The following GRIK4 variants were observed in gnomAD, a reference collection of about 807,000 sequenced individuals.
GRIK4 encodes the protein glutamate receptor ionotropic, kainate 4.
Under a neutral mutation model 104.9 loss-of-function variants are expected in GRIK4, and 40 were observed. The observed-to-expected ratio is 0.38, with a 90% CI of 0.30 to 0.50. The LOEUF (loss-of-function observed/expected upper bound fraction) is 0.50. Ranked by LOEUF, GRIK4 falls within the 20% of genes least tolerant of loss-of-function variation. GRIK4 has a pLI of 0.93. For missense variants in GRIK4, 1,047 were observed against 1,308.1 expected (o/e 0.80, Z 3.08); for synonymous variants, 485 against 524.9 (o/e 0.92, Z 1.04).
chr11:120,578,193 G>A (rs2135087638), intron 1 of GRIK4, among the ~76,000 whole-genome samples: 1 of 152,326 alleles, frequency 6.6e-6, no homozygotes, highest in Admixed American at 6.5e-5. Context: ...CCTGGGGCTG[G>A]GCTGTTTGGT....
intron 3 of GRIK4, among the ~76,000 whole-genome samples, chr11:120,663,965 C>T (rs927631599): frequency 2.6e-5 from 4 of 152,128 alleles, no homozygotes; most frequent in Admixed American, 6.5e-5. Flanking sequence ...CAGCACTTGC[C>T]GTGTTATATT....
rs939644298 is a variant in GRIK4 at position 120,708,960 on chromosome 11, T to C, written c.82+48560T>C. Among the ~76,000 whole-genome samples the C allele has an allele frequency of 3.3e-5, 5 of 152,266 alleles. No homozygotes were observed. The East Asian group carries it at 5.8e-4, about 18-fold the overall frequency. The stretch of plus-strand genomic sequence containing the variant: ...TAAGCAAAGGCAGGGCAGTAACCTT[T>C]ACCTGGTCTGGCCTGGAGACATTTA... On this transcript the variant is annotated intron_variant, in intron 3 of 20. Transcript: ENST00000527524.
intron 3 of GRIK4, among the ~76,000 whole-genome samples, chr11:120,777,564 C>T (rs993078092): frequency 5.9e-5 from 9 of 152,244 alleles, no homozygotes; most frequent in African/African-American, 1.9e-4. Flanking sequence ...CCTGCCCCGG[C>T]TGTAGTGGGG....
intron 8 of GRIK4, among the ~76,000 whole-genome samples, chr11:120,856,053 C>T (rs536789646): frequency 1.7e-4 from 26 of 152,274 alleles, no homozygotes; most frequent in Middle Eastern, 3.4e-3. Flanking sequence ...TTGGTGACAC[C>T]GGCAGCACGG....
intron 11 of GRIK4, among the ~76,000 whole-genome samples, chr11:120,887,489 G>T (rs1469070441): frequency 6.6e-6 from 1 of 152,204 alleles, no homozygotes; most frequent in Non-Finnish European, 1.5e-5. Flanking sequence ...GCTGGAAGGG[G>T]CAAGCCTGTA....
At chr11:120,580,729 C>T (rs1225958324) in intron 1 of GRIK4, among the ~76,000 whole-genome samples, 1 of 152,104 alleles carries the variant, frequency 6.6e-6, no homozygotes, top group Non-Finnish European at 1.5e-5. Flanking sequence ...CAACTGCACC[C>T]GGTTTTGAGT....
At chr11:120,849,645 A>G (rs1953931425) in intron 8 of GRIK4, among the ~76,000 whole-genome samples, 1 of 152,214 alleles carries the variant, frequency 6.6e-6, no homozygotes, top group African/African-American at 2.4e-5. Flanking sequence ...TTCCAATTCT[A>G]CACAGTATGA....
intron 1 of GRIK4, among the ~76,000 whole-genome samples, chr11:120,626,465 G>A (rs1045935220): frequency 1.3e-5 from 2 of 152,228 alleles, no homozygotes; most frequent in African/African-American, 2.4e-5. Flanking sequence ...CATGTCTTAT[G>A]TGTGTGGGGA....
At chr11:120,875,039 C>T (rs1954743330) in intron 10 of GRIK4, 100 bp from the exon 11 acceptor site, 3 of 773,678 alleles carry the variant, frequency 3.9e-6, no homozygotes, top group Non-Finnish European at 6.9e-6. Context: ...TGCTTTGCCT[C>T]TTCTGGGCAT....
intron 3 of GRIK4, among the ~76,000 whole-genome samples, chr11:120,704,769 G>C (rs940830628): frequency 4.6e-5 from 7 of 151,950 alleles, no homozygotes; most frequent in Admixed American, 4.6e-4. Flanking sequence ...CAAAGAGTAG[G>C]TACTTTAGAC....
At chr11:120,924,667 T>A (rs187031447) in intron 13 of GRIK4, among the ~76,000 whole-genome samples, 1 of 152,180 alleles carries the variant, frequency 6.6e-6, no homozygotes, top group Admixed American at 6.5e-5. Flanking sequence ...ACTTCTTGAG[T>A]CTCATTCTCC....
In GRIK4 at chr11:120,850,757, CAGA is replaced by C. The variant is rs556045974; in HGVS notation, c.745-11199_745-11197del. Among the ~76,000 whole-genome samples the C allele has an allele frequency of 2.3e-4, 32 of 139,256 alleles. No homozygotes were observed. In the South Asian group the frequency reaches 6.9e-3, roughly 30 times the overall value. The allele number at this position is 139,256 out of a possible 152,430, so 91.4% of individuals were successfully genotyped here. On this transcript the variant is annotated intron_variant, in intron 8 of 20. Transcript: ENST00000527524. Reference sequence around the variant, plus strand: ...TGAGATTTAATGAATGTTTGGAAAGCAGAAGGAGACTGAAAATAAAAGGCATTA... The same window carrying C: ...TGAGATTTAATGAATGTTTGGAAAGCAGGAGACTGAAAATAAAAGGCATTA...
At position 120,513,872 on chromosome 11, in the gene GRIK4, C is replaced by G. The variant is rs1240972453; in HGVS notation, c.-159+1985C>G. Among the ~76,000 whole-genome samples the G allele has an allele frequency of 6.6e-6, 1 of 152,194 alleles. No individual in the cohort carries two copies. The highest frequency in any genetic ancestry group is 2.4e-5 in the African/African-American group (1 of 41,440). The stretch of plus-strand genomic sequence containing the variant: ...GGGCATCTTGATCGGTGGCTGCTGT[C>G]TTCCCCAGCAATGAAAATTCTTCCG... On this transcript the variant is annotated intron_variant, in intron 1 of 20. Coordinates refer to ENST00000527524, the MANE Select transcript of GRIK4 (RefSeq NM_014619.5). The surrounding 1 kb of genome is among the most constrained non-coding windows in gnomAD (Gnocchi z 4.5).
chr11:120,708,821 C>G (rs2135348577), intron 3 of GRIK4, among the ~76,000 whole-genome samples: 1 of 152,286 alleles, frequency 6.6e-6, no homozygotes, highest in South Asian at 2.1e-4. Flanking sequence ...GACTGCTGCA[C>G]AGAGACACTT....
intron 1 of GRIK4, among the ~76,000 whole-genome samples, chr11:120,562,246 T>A (rs1035019450): frequency 1.3e-5 from 2 of 152,228 alleles, no homozygotes. Context: ...GAGCTAAGAA[T>A]CAAACTGACA....
At chr11:120,944,201 TTCTCTCTCTC>T (rs71890093) in intron 14 of GRIK4, among the ~76,000 whole-genome samples, 1 of 131,728 alleles carries the variant, frequency 7.6e-6, no homozygotes. Context: ...CCTCCCTTCT[TTCTCTCTCTC>T]TCTCTCTCTT....
At chr11:120,668,243 G>A (rs1949954728) in intron 3 of GRIK4, among the ~76,000 whole-genome samples, 1 of 150,540 alleles carries the variant, frequency 6.6e-6, no homozygotes, top group South Asian at 2.1e-4. Context: ...AGAGAGATAG[G>A]TAGGCAGATG....
chr11:120,872,692 AC>A (rs1251140663), intron 9 of GRIK4: 1 of 155,038 alleles, frequency 6.5e-6, no homozygotes, highest in Non-Finnish European at 1.4e-5. Context: ...GCCTTCCTGG[AC>A]CCCCTCAGGG....
intron 3 of GRIK4, among the ~76,000 whole-genome samples, chr11:120,783,431 G>T (rs1476600094): frequency 6.7e-6 from 1 of 150,076 alleles, no homozygotes; most frequent in Non-Finnish European, 1.5e-5. Context: ...CTTCCTTCTC[G>T]CCTTCCCTGT....
Sources: allele counts gnomAD v4.1 joint callset (sites outside exome capture counted in the v4.1 genomes callset), GRCh38; gene constraint gnomAD v4.1.1; non-coding constraint Gnocchi (gnomAD v3.1); transcripts MANE v1.5; gene names NCBI Gene and HGNC (gene_info 2026-07-23, HGNC 2026-07-21).